Variants in DCUN1D4 observed in about 807,000 individuals in gnomAD.
DCUN1D4 encodes DCN1-like protein 4.
Under a neutral mutation model 47.9 loss-of-function variants are expected in DCUN1D4, and 22 were observed. That is an observed-to-expected ratio of 0.46 (90% CI 0.33 to 0.66). The LOEUF (loss-of-function observed/expected upper bound fraction) is 0.66. DCUN1D4 is among the 30% of genes least tolerant of loss of function. The pLI, the probability that DCUN1D4 is intolerant of heterozygous loss-of-function variation, is 0.02. For synonymous variants in DCUN1D4, 121 were observed against 112.2 expected (o/e 1.08, Z -0.50); for missense variants, 301 against 340.8 (o/e 0.88, Z 0.92).
intron 1 of DCUN1D4, chr4:51,843,526 G>T (rs1044165461): frequency 3.9e-6 from 5 of 1,293,514 alleles, no homozygotes; most frequent in African/African-American, 1.6e-5. Flanking sequence ...CTCTTTCAGT[G>T]TTGGGGGAAG....
Position 51,857,726 on chromosome 4 carries a change from T to A in DCUN1D4, c.26-5711T>A, listed in dbSNP as rs147687817. On this transcript the variant is annotated intron_variant, in intron 1 of 10. Transcript: ENST00000334635. ...ATTAAATCTAAACGCTCAAGCAGGA[T>A]TCACAAGTTCTTCATTTTCTGATCT... is the stretch of plus-strand genomic sequence containing the variant. 2.3e-3 allele frequency among the ~76,000 whole-genome samples: 346 copies of A among 152,326 alleles called. 1 individual carries two copies. Among genetic ancestry groups the A allele is most frequent in the Middle Eastern group, 0.02 (6 of 294 alleles).
intron 1 of DCUN1D4, among the ~76,000 whole-genome samples, chr4:51,857,617 A>C (rs1724344397): frequency 6.6e-6 from 1 of 152,188 alleles, no homozygotes; most frequent in South Asian, 2.1e-4. Context: ...GCTGATTAGA[A>C]TTGATGCTGC....
chr4:51,887,048 T>A (rs1729601742), intron 6 of DCUN1D4: 1 of 453,068 alleles, frequency 2.2e-6, no homozygotes, highest in African/African-American at 2.0e-5. Flanking sequence ...TAGATTGTAA[T>A]CATCAAGAAT....
At chr4:51,882,140 C>T (rs1356883491) in intron 5 of DCUN1D4, among the ~76,000 whole-genome samples, 2 of 151,868 alleles carry the variant, frequency 1.3e-5, no homozygotes, top group Non-Finnish European at 2.9e-5. Context: ...TCTTCTAAAA[C>T]ACACAGACAC....
chr4:51,870,503 A>C (rs1212440325), intron 3 of DCUN1D4, among the ~76,000 whole-genome samples: 1 of 151,364 alleles, frequency 6.6e-6, no homozygotes, highest in Non-Finnish European at 1.5e-5. Flanking sequence ...CTGGAAATGT[A>C]CTTTTTTTTT....
In DCUN1D4 at chr4:51,916,685, A is replaced by C. The variant is rs1734355481; in HGVS notation, c.*3101A>C. On this transcript the variant is annotated 3_prime_UTR_variant, in exon 11 of 11. Transcript: ENST00000334635. Reference sequence around the variant, plus strand: ...TTCGTGTCGTCAGTATTTGCATTACATTCATAAAAGTGTGCAAGTCCTGTG... The same window carrying C: ...TTCGTGTCGTCAGTATTTGCATTACCTTCATAAAAGTGTGCAAGTCCTGTG... The C allele has an allele frequency of 6.6e-6, 1 of 152,566 alleles. No homozygotes were observed. The highest frequency in any genetic ancestry group is 2.1e-4 in the South Asian group (1 of 4,834). The allele number at this position is 152,566 out of a possible 1,614,324, so 9.5% of individuals were successfully genotyped here. A position where few individuals can be genotyped will look rare whatever the true frequency, so the allele number is the denominator to read the frequency against.
chr4:51,890,024 A>G (rs1216910543), intron 6 of DCUN1D4, among the ~76,000 whole-genome samples: 1 of 152,188 alleles, frequency 6.6e-6, no homozygotes, highest in Non-Finnish European at 1.5e-5. Context: ...GTAGGTTCTC[A>G]CTGATATTAA....
chr4:51,908,851 T>C (rs1291311509), intron 8 of DCUN1D4: 3 of 454,964 alleles, frequency 6.6e-6, no homozygotes, highest in Non-Finnish European at 8.8e-6. Flanking sequence ...ACAGGAAATG[T>C]TGGTTATCAG....
Position 51,867,006 on chromosome 4 carries a change from G to A in DCUN1D4, c.136+3297G>A, listed in dbSNP as rs1166952394. ...CACCTGCCAAGTGTGAGTTAGACAT[G>A]GAGCAGCACACGGTGTGTGGGTGAG... is the stretch of plus-strand genomic sequence containing the variant. On this transcript the variant is annotated intron_variant, in intron 3 of 10. Coordinates refer to ENST00000334635, the MANE Select transcript of DCUN1D4 (RefSeq NM_001040402.3). Among the ~76,000 whole-genome samples the A allele has an allele frequency of 4.6e-5, 7 of 152,196 alleles. No individual in the cohort carries two copies. In the East Asian group the frequency reaches 1.2e-3, roughly 25 times the overall value.
At chr4:51,878,398 G>A (rs547034404) in intron 5 of DCUN1D4, among the ~76,000 whole-genome samples, 1 of 152,202 alleles carries the variant, frequency 6.6e-6, no homozygotes, top group South Asian at 2.1e-4. Flanking sequence ...AAAAGAAAAA[G>A]AAAAAATTTT....
rs184834609 is a variant in DCUN1D4, at chr4:51,889,068, C to T, written c.414+2430C>T. 7.1e-3 allele frequency among the ~76,000 whole-genome samples: 1,078 copies of T among 152,176 alleles called. 3 individuals carry two copies. Among genetic ancestry groups the T allele is most frequent in the Non-Finnish European group, 0.012 (808 of 68,010 alleles). On this transcript the variant is annotated intron_variant, in intron 6 of 10. Coordinates refer to ENST00000334635, the MANE Select transcript of DCUN1D4 (RefSeq NM_001040402.3). ...AGGTTGCAGTGAGCCGAGATCGCAC[C>T]ACTGTACTTCATCCTGGGCAACAGA...
intron 3 of DCUN1D4, among the ~76,000 whole-genome samples, chr4:51,872,125 A>G (rs1726991529): frequency 6.6e-6 from 1 of 152,196 alleles, no homozygotes; most frequent in East Asian, 1.9e-4. Flanking sequence ...GAGCCTGGGC[A>G]CTGTCCAAGA....
chr4:51,910,912 A>G, intron 8 of DCUN1D4, 158 bp from the exon 9 acceptor site: 1 of 649,644 alleles, frequency 1.5e-6, no homozygotes, highest in Non-Finnish European at 2.7e-6. Flanking sequence ...GTGTTTGACT[A>G]CCTCCCCTCC....
intron 3 of DCUN1D4, 28 bp from the exon 4 acceptor site, chr4:51,874,242 AT>A: frequency 6.5e-7 from 1 of 1,534,054 alleles, no homozygotes; most frequent in Non-Finnish European, 9.0e-7. Context: ...GCATACCTTA[AT>A]TTTGTGCTCT....
chr4:51,909,225 C>G (rs1733345311), intron 8 of DCUN1D4, among the ~76,000 whole-genome samples: 1 of 151,946 alleles, frequency 6.6e-6, no homozygotes, highest in African/African-American at 2.4e-5. Flanking sequence ...TATATCACAG[C>G]AAGACTAGAG....
At chr4:51,839,070 G>A (rs531781833), upstream of DCUN1D4, among the ~76,000 whole-genome samples, 17 of 151,544 alleles carry the variant, frequency 1.1e-4, no homozygotes, top group East Asian at 3.1e-3. Context: ...GTGAGACTCC[G>A]TCTCAAAAGA....
At chr4:51,906,797 T>C (rs1340208912) in intron 8 of DCUN1D4, among the ~76,000 whole-genome samples, 1 of 152,240 alleles carries the variant, frequency 6.6e-6, no homozygotes, top group Non-Finnish European at 1.5e-5. Context: ...GTATGTTTCT[T>C]CATATCGAAA....
chr4:51,839,590 G>A (rs768201582), upstream of DCUN1D4, among the ~76,000 whole-genome samples: 3 of 152,136 alleles, frequency 2.0e-5, no homozygotes, highest in Non-Finnish European at 2.9e-5. Flanking sequence ...TTCTCCTTTC[G>A]GAGGGGGTTT....
chr4:51,843,531 G>A (rs1372204520), intron 1 of DCUN1D4: 4 of 1,293,306 alleles, frequency 3.1e-6, no homozygotes, highest in Non-Finnish European at 3.9e-6. Flanking sequence ...TCAGTGTTGG[G>A]GGAAGGGAGG....
Sources: allele counts gnomAD v4.1 joint callset (sites outside exome capture counted in the v4.1 genomes callset), GRCh38; gene constraint gnomAD v4.1.1; transcripts MANE v1.5; gene names NCBI Gene and HGNC (gene_info 2026-07-23, HGNC 2026-07-21).